FAAH2: variants seen among roughly 807,000 people sequenced by gnomAD.
FAAH2 encodes fatty acid amide hydrolase 2.
In FAAH2, 60 loss-of-function variants were observed where a neutral mutation model predicts 36.9. The observed-to-expected ratio is 1.63, with a 90% confidence interval of 1.32 to 2.02. FAAH2 has a LOEUF of 2.02. Among genes scored for constraint, FAAH2 ranks in the 30% most tolerant of loss-of-function variants. FAAH2 has a pLI of 0.00. For missense variants in FAAH2, 689 were observed against 397.5 expected (o/e 1.73, Z -6.23); for synonymous variants, 214 against 143.8 (o/e 1.49, Z -3.49).
intron 5 of FAAH2, among the ~76,000 whole-genome samples, chrX:57,353,072 A>G (rs970267476): frequency 1.2e-4 from 13 of 110,668 alleles, no homozygotes; most frequent in South Asian, 3.8e-4. Context: ...TCAAAATACC[A>G]ACATCATTTT....
chrX:57,426,991 C>G (rs1157387760), intron 7 of FAAH2, among the ~76,000 whole-genome samples: 2 of 110,840 alleles, frequency 1.8e-5, no homozygotes, highest in African/African-American at 3.3e-5. Flanking sequence ...TGACAGAACT[C>G]TCTCTAGAAT....
At chrX:57,365,921 T>C (rs1377947630) in intron 5 of FAAH2, among the ~76,000 whole-genome samples, 1 of 112,251 alleles carries the variant, frequency 8.9e-6, no homozygotes, top group African/African-American at 3.2e-5. Context: ...TTTCTTAAAA[T>C]GGCAGCTATC....
the FAAH2 span, among the ~76,000 whole-genome samples, chrX:57,172,115 TA>T: frequency 1.6e-4 from 18 of 111,976 alleles, no homozygotes; most frequent in South Asian, 7.4e-4. Flanking sequence ...TCTATTAGAC[TA>T]GTTTTATAGC....
chrX:57,243,759 C>A, the FAAH2 span, among the ~76,000 whole-genome samples: 1 of 111,127 alleles, frequency 9.0e-6, no homozygotes, highest in African/African-American at 3.3e-5. Context: ...ACATCAAAGA[C>A]CAAAGGTAGA....
chrX:57,487,955 T>C (rs768171999), intron 10 of FAAH2, among the ~76,000 whole-genome samples: 2 of 111,964 alleles, frequency 1.8e-5, no homozygotes, highest in African/African-American at 6.5e-5. Context: ...ATAGTCTTTG[T>C]CCATAAAAGA....
At chrX:57,279,789 A>G in the FAAH2 span, among the ~76,000 whole-genome samples, 6 of 111,839 alleles carry the variant, frequency 5.4e-5, no homozygotes, top group Non-Finnish European at 1.1e-4. Flanking sequence ...GTACAATTAA[A>G]CATTCCTTCA....
At chrX:57,289,264 G>A (rs2051908283) in intron 1 of FAAH2, among the ~76,000 whole-genome samples, 1 of 111,009 alleles carries the variant, frequency 9.0e-6, no homozygotes, top group South Asian at 3.8e-4. Flanking sequence ...TTGATAACGA[G>A]CTCTGATTGA....
At chrX:57,373,415 C>T (rs1196431948) in intron 5 of FAAH2, among the ~76,000 whole-genome samples, 14 of 109,386 alleles carry the variant, frequency 1.3e-4, no homozygotes, top group African/African-American at 3.7e-4. Context: ...TGATTATGGC[C>T]ATTCTTGCAG....
chrX:57,319,028 A>G (rs2052931891), intron 3 of FAAH2, among the ~76,000 whole-genome samples: 2 of 111,685 alleles, frequency 1.8e-5, no homozygotes, highest in Admixed American at 1.9e-4. Flanking sequence ...TCTCAAAATA[A>G]TAAGAGCTAT....
chrX:57,458,491 CA>C (rs920457327), intron 10 of FAAH2, among the ~76,000 whole-genome samples: 2 of 106,631 alleles, frequency 1.9e-5, no homozygotes, highest in Non-Finnish European at 2.0e-5. Flanking sequence ...AGACTCCATC[CA>C]AAAAAAAACA....
intron 6 of FAAH2, among the ~76,000 whole-genome samples, chrX:57,379,799 G>T (rs1353408212): frequency 1.2e-5 from 1 of 83,935 alleles, no homozygotes; most frequent in Non-Finnish European, 2.3e-5. Context: ...AATTATTCTT[G>T]CCAAAGTCCC....
At chrX:57,263,965 G>A in the FAAH2 span, among the ~76,000 whole-genome samples, 1 of 111,407 alleles carries the variant, frequency 9.0e-6, no homozygotes, top group African/African-American at 3.3e-5. Flanking sequence ...TTAAACACAT[G>A]GTTTTGGAGC....
intron 2 of FAAH2, among the ~76,000 whole-genome samples, chrX:57,292,909 C>T (rs758559061): frequency 4.5e-5 from 5 of 111,513 alleles, no homozygotes; most frequent in Non-Finnish European, 7.5e-5. Flanking sequence ...TTGGCAGTGA[C>T]TCTAATAGGA....
the FAAH2 span, among the ~76,000 whole-genome samples, chrX:57,263,368 C>T: frequency 4.5e-5 from 5 of 111,576 alleles, no homozygotes; most frequent in Admixed American, 4.8e-4. Flanking sequence ...AATTAAAATA[C>T]TTAGTTGTAA....
intron 2 of FAAH2, among the ~76,000 whole-genome samples, chrX:57,303,286 C>G (rs753705324): frequency 1.2e-4 from 13 of 111,596 alleles, no homozygotes; most frequent in Non-Finnish European, 9.4e-5. Flanking sequence ...GAAGAAATAG[C>G]TGCTGCAGTT....
intron 7 of FAAH2, among the ~76,000 whole-genome samples, chrX:57,427,649 A>C (rs895913798): frequency 1.8e-5 from 2 of 112,019 alleles, no homozygotes; most frequent in Admixed American, 1.9e-4. Context: ...AATTAAAAGC[A>C]AAAGCCATAT....
chrX:57,466,404 G>GTA (rs1222691800), intron 10 of FAAH2, among the ~76,000 whole-genome samples: 1 of 104,177 alleles, frequency 9.6e-6, no homozygotes, highest in Non-Finnish European at 1.9e-5. Context: ...ATATATATGT[G>GTA]TATATATATC....
At chrX:57,438,042 T>C (rs1393882460) in intron 8 of FAAH2, among the ~76,000 whole-genome samples, 10 of 104,283 alleles carry the variant, frequency 9.6e-5, no homozygotes, top group African/African-American at 2.7e-4. Flanking sequence ...TATGTATATA[T>C]ATACACATAT....
chrX:57,224,722 C>T, the FAAH2 span, among the ~76,000 whole-genome samples: 3 of 112,233 alleles, frequency 2.7e-5, no homozygotes, highest in African/African-American at 9.7e-5. Flanking sequence ...AAACCTTTGT[C>T]CTATCATCAC....
Sources: gnomAD v4.1 joint callset for allele counts (sites outside exome capture counted in the v4.1 genomes callset) on GRCh38, gnomAD v4.1.1 for gene constraint, MANE v1.5 for transcripts, NCBI Gene and HGNC (gene_info 2026-07-23, HGNC 2026-07-21) for gene names.